KCNT1: variants seen among roughly 807,000 people sequenced by gnomAD.
KCNT1 encodes the protein potassium channel subfamily T member 1.
A neutral mutation model predicts 147.8 loss-of-function variants in KCNT1; 78 were observed. That is an observed-to-expected ratio of 0.53 (90% confidence interval 0.44 to 0.64). The LOEUF is 0.64. Ranked by LOEUF, KCNT1 falls within the 30% of genes least tolerant of loss-of-function variation. KCNT1 has a pLI of 0.00. For missense variants in KCNT1, 1,419 were observed against 1,750.3 expected (o/e 0.81, Z 3.38); for synonymous variants, 867 against 748.8 (o/e 1.16, Z -2.58).
At chr9:135,780,540 C>A (rs375770009) in intron 24 of KCNT1, among the ~76,000 whole-genome samples, 1 of 152,204 alleles carries the variant, frequency 6.6e-6, no homozygotes, top group Non-Finnish European at 1.5e-5. Context: ...CCCAGAGAAG[C>A]GAGAGGAGGC....
chr9:135,744,267 C>G (rs565334254), intron 2 of KCNT1, among the ~76,000 whole-genome samples: 2 of 152,258 alleles, frequency 1.3e-5, no homozygotes, highest in Non-Finnish European at 2.9e-5. Context: ...GAACTGTTGC[C>G]GGCCTCTGCC....
chr9:135,733,701 A>G (rs564873006), intron 2 of KCNT1, among the ~76,000 whole-genome samples: 1 of 146,000 alleles, frequency 6.8e-6, no homozygotes, highest in South Asian at 2.3e-4. Flanking sequence ...CACCGAGGTG[A>G]CCCCAGCTAG....
Position 135,742,893 on chromosome 9 carries a change from G to T in KCNT1, c.255-7205G>T, listed in dbSNP as rs184385611. ...GTGTGAGAGCCCTTGTTTCTGGGGGGTCCCCTCAACCCAGCATCCCCTGCA... is the reference window on the plus strand; with the variant it reads ...GTGTGAGAGCCCTTGTTTCTGGGGGTTCCCCTCAACCCAGCATCCCCTGCA... On this transcript the variant is annotated intron_variant, in intron 2 of 30. Coordinates refer to ENST00000371757, the MANE Select transcript of KCNT1 (RefSeq NM_020822.3). 9 of 705,914 alleles carry T rather than the reference G, an allele frequency of 1.3e-5. No individual in the cohort carries two copies. In the East Asian group the frequency reaches 1.4e-4, roughly 11 times the overall value. The allele number at this position is 705,914 out of a possible 1,614,324, so 43.7% of individuals were successfully genotyped here. A position where few individuals can be genotyped will look rare whatever the true frequency, so the allele number is the denominator to read the frequency against.
At chr9:135,784,508 TCC>T (rs768006950) in intron 25 of KCNT1, 25 bp from the exon 26 acceptor site, 3 of 183,176 alleles carry the variant, frequency 1.6e-5, no homozygotes, top group Non-Finnish European at 3.1e-5. Flanking sequence ...CCTCCCTCCC[TCC>T]CTCCCTCCCT....
intron 13 of KCNT1, among the ~76,000 whole-genome samples, chr9:135,767,109 G>A (rs1393694525): frequency 6.6e-6 from 1 of 152,168 alleles, no homozygotes; most frequent in Non-Finnish European, 1.5e-5. Context: ...TGTCCTTAGT[G>A]GCATAGTGTT....
intron 29 of KCNT1, chr9:135,788,122 C>G: frequency 1.2e-6 from 2 of 1,612,386 alleles, no homozygotes; most frequent in Non-Finnish European, 1.7e-6. Context: ...ATTTAACAGC[C>G]AGTGATGTCA....
chr9:135,714,653 C>A lies in KCNT1; in HGVS notation c.187C>A (p.Pro63Thr), dbSNP rs766901520. ...KMSDLDSEVLPLPPRYRFRDL... is the reference protein window; with the variant it reads ...KMSDLDSEVLTLPPRYRFRDL... ...GAGCGACCTGGACTCCGAGGTGCTG[C>A]CCTTGCCGCCGCGCTACCGCTTCCG... is the stretch of plus-strand genomic sequence containing the variant. The change falls in exon 2 of 31, where the codon CCC becomes ACC. Residue 63 changes from proline (P) to threonine (T), a missense_variant. Pro to Thr is a conservative substitution (Grantham distance 38). Coordinates refer to ENST00000371757, the MANE Select transcript of KCNT1 (RefSeq NM_020822.3). The surrounding 1 kb of genome is among the most constrained non-coding windows in gnomAD (Gnocchi z 6.2). 2 of 1,484,806 alleles carry A rather than the reference C, an allele frequency of 1.3e-6. No individual in the cohort carries two copies. Among genetic ancestry groups the A allele is most frequent in the South Asian group, 1.2e-5 (1 of 82,720 alleles). 92.0% of individuals were successfully genotyped at this position (1,484,806 alleles called of 1,614,324 possible).
intron 4 of KCNT1, among the ~76,000 whole-genome samples, chr9:135,751,859 C>G (rs1831196223): frequency 6.6e-6 from 1 of 152,218 alleles, no homozygotes; most frequent in Admixed American, 6.5e-5. Context: ...TGTTTCTTCT[C>G]TCCCCTCTCC....
chr9:135,774,445 G>GTGTGTCTGTGTGT (rs1833002275), intron 19 of KCNT1, among the ~76,000 whole-genome samples: 1 of 133,212 alleles, frequency 7.5e-6, no homozygotes, highest in Non-Finnish European at 1.6e-5. Context: ...TGTGTCTGTG[G>GTGTGTCTGTGTGT]TGTGTCTGTG....
At chr9:135,746,036 C>T (rs930045253) in intron 2 of KCNT1, among the ~76,000 whole-genome samples, 3 of 152,260 alleles carry the variant, frequency 2.0e-5, no homozygotes, top group Non-Finnish European at 4.4e-5. Flanking sequence ...CGCTGCGTGA[C>T]TCGTGAAGAC....
Position 135,759,782 on chromosome 9 carries a change from G to A in KCNT1, c.958G>A (p.Val320Ile), listed in dbSNP as rs773718324. ...VTFSTVGYGD[V>I]TPKIWPSQLL... ...CTTCTCCACCGTGGGCTACGGTGAC[G>A]TCACGCCCAAGATCTGGCCATCGCA... is the stretch of plus-strand genomic sequence containing the variant. The change falls in exon 11 of 31, where the codon GTC (valine) becomes ATC (isoleucine). Residue 320 changes from valine (V) to isoleucine (I), a missense_variant. Physicochemically the swap from Val to Ile is conservative, Grantham distance 29. Around this residue, in one of 5 missense-constraint regions of KCNT1, gnomAD observed 401 missense variants for 610.6 expected, o/e 0.66. Coordinates refer to ENST00000371757, the MANE Select transcript of KCNT1 (RefSeq NM_020822.3). 1.1e-5 allele frequency: 18 copies of A among 1,613,436 alleles called. No homozygotes were observed. Among genetic ancestry groups the A allele is most frequent in the Admixed American group, 1.0e-4 (6 of 59,986 alleles).
intron 17 of KCNT1, 126 bp downstream of exon 17, chr9:135,770,573 T>C: frequency 8.0e-7 from 1 of 1,252,156 alleles, no homozygotes; most frequent in Non-Finnish European, 1.1e-6. Flanking sequence ...GGGGAGGGCA[T>C]CAGGTCATCC....
intron 6 of KCNT1, 115 bp downstream of exon 6, chr9:135,755,284 C>A: frequency 1.3e-6 from 1 of 779,788 alleles, no homozygotes; most frequent in East Asian, 2.9e-5. Flanking sequence ...AGGACATACC[C>A]AGTCTCAGTA....
chr9:135,710,349 C>T (rs143673847), intron 1 of KCNT1, among the ~76,000 whole-genome samples: 205 of 152,288 alleles, frequency 1.3e-3, no homozygotes, highest in African/African-American at 4.7e-3. Context: ...GTTCAAGCAC[C>T]GGCCCTCCCA....
At position 135,788,024 on chromosome 9, in the gene KCNT1, C is replaced by T. The variant is rs146410946; in HGVS notation, c.3502+1503C>T. ...CTGCCCCTGCACCCGCCCACTGTGCCGGCCGCCCGCACCTCGCTTGCTGAT... is the reference window on the plus strand; with the variant it reads ...CTGCCCCTGCACCCGCCCACTGTGCTGGCCGCCCGCACCTCGCTTGCTGAT... On this transcript the variant is annotated intron_variant, in intron 29 of 30. Transcript: ENST00000371757. 1,372 of 1,176,542 alleles carry T rather than the reference C, an allele frequency of 1.2e-3. 9 individuals are homozygous for T. In the African/African-American group the frequency reaches 0.018, roughly 16 times the overall value. The allele number at this position is 1,176,542 out of a possible 1,614,324, so 72.9% of individuals were successfully genotyped here.
chr9:135,767,716 C>T (rs11103178), intron 13 of KCNT1, among the ~76,000 whole-genome samples: 2 of 152,012 alleles, frequency 1.3e-5, no homozygotes, highest in Non-Finnish European at 2.9e-5. Flanking sequence ...TAGCCCCTGA[C>T]GCCTGGGAGT....
rs781660522 is a variant in KCNT1, at chr9:135,778,508, C to A, written c.2594+13C>A. 1 of 1,586,376 alleles carries A rather than the reference C, an allele frequency of 6.3e-7. No individual in the cohort carries two copies. Among genetic ancestry groups the A allele is most frequent in the Non-Finnish European group, 8.6e-7 (1 of 1,166,424 alleles). On this transcript the variant is annotated intron_variant, in intron 22 of 30. Transcript: ENST00000371757. ...GCTCTGTGGACAAGTAAGGCGTGGC[C>A]GGCCGAGGCTCGTGGGGGCTCCACA... is the stretch of plus-strand genomic sequence containing the variant.
At chr9:135,749,006 G>A (rs146113805) in intron 2 of KCNT1, among the ~76,000 whole-genome samples, 11 of 152,360 alleles carry the variant, frequency 7.2e-5, no homozygotes, top group African/African-American at 1.4e-4. Flanking sequence ...GGCACGGGCC[G>A]TTTAGGGGGA....
At chr9:135,709,545 C>T (rs563025110) in intron 1 of KCNT1, among the ~76,000 whole-genome samples, 2 of 152,256 alleles carry the variant, frequency 1.3e-5, no homozygotes, top group East Asian at 3.9e-4. Flanking sequence ...CAGAACCCCC[C>T]GTTCTGTAAC....
Sources: allele counts gnomAD v4.1 joint callset (sites outside exome capture counted in the v4.1 genomes callset), GRCh38; gene constraint gnomAD v4.1.1; regional missense constraint gnomAD v4.1.1; non-coding constraint Gnocchi (gnomAD v3.1); transcripts MANE v1.5; gene names NCBI Gene and HGNC (gene_info 2026-07-23, HGNC 2026-07-21).